Variants in AGO4 observed in about 807,000 individuals in gnomAD.
AGO4 encodes the protein argonaute RISC component 4, also known as protein argonaute-4.
In AGO4, 33 loss-of-function variants were observed where a neutral mutation model predicts 104.7. The observed-to-expected ratio is 0.32, with a 90% confidence interval of 0.24 to 0.42. The LOEUF (loss-of-function observed/expected upper bound fraction) is 0.42. AGO4 is among the 10% of genes least tolerant of loss of function. The pLI, the probability that AGO4 is intolerant of heterozygous loss-of-function variation, is 1.00. For missense variants in AGO4, 711 were observed against 1,083.4 expected (o/e 0.66, Z 4.83); for synonymous variants, 331 against 364.7 (o/e 0.91, Z 1.05).
chr1:35,845,929 A>T (rs1460116010), intron 15 of AGO4, among the ~76,000 whole-genome samples: 1 of 152,218 alleles, frequency 6.6e-6, no homozygotes, highest in Non-Finnish European at 1.5e-5. Flanking sequence ...GAACACTGCC[A>T]GTCATCCTGG....
intron 12 of AGO4, among the ~76,000 whole-genome samples, chr1:35,835,509 T>C (rs1200677627): frequency 6.6e-6 from 1 of 152,140 alleles, no homozygotes; most frequent in Non-Finnish European, 1.5e-5. Context: ...CTGGGAAGAT[T>C]GATTCTTTTG....
rs1468582008 is a variant in AGO4, at chr1:35,808,746, AGTTT to A, written c.19+313_19+316del. Among the ~76,000 whole-genome samples, 1 of 152,070 alleles carries A rather than the reference AGTTT, an allele frequency of 6.6e-6. No homozygotes were observed. The highest frequency in any genetic ancestry group is 1.9e-4 in the East Asian group (1 of 5,166). On this transcript the variant is annotated intron_variant, in intron 1 of 17. Coordinates refer to ENST00000373210, the MANE Select transcript of AGO4 (RefSeq NM_017629.4). The surrounding 1 kb of genome is among the most constrained non-coding windows in gnomAD (Gnocchi z 5.2). Reference sequence around the variant, plus strand: ...ATGTGCCCGGGGTCGCGACGAGGGTAGTTTGGGCCTCAGAAGGGGGCGATCCGCT... The same window carrying A: ...ATGTGCCCGGGGTCGCGACGAGGGTAGGGCCTCAGAAGGGGGCGATCCGCT...
rs1037069490 is a variant in AGO4 at position 35,856,506 on chromosome 1, A to C, written c.*2901A>C. 2.0e-5 allele frequency: 3 copies of C among 152,154 alleles called. No individual in the cohort carries two copies. The highest frequency in any genetic ancestry group is 4.4e-5 in the Non-Finnish European group (3 of 68,054). 9.4% of individuals were successfully genotyped at this position (152,154 alleles called of 1,614,324 possible). ...GTGGTGTGAAAGATTTAAATGTAGC[A>C]ACGCTAAAGAGTAATAATTTGGGGA... On this transcript the variant is annotated 3_prime_UTR_variant, in exon 18 of 18. Transcript: ENST00000373210.
chr1:35,842,855 G>A (rs762734142), intron 15 of AGO4, among the ~76,000 whole-genome samples: 6 of 152,080 alleles, frequency 3.9e-5, no homozygotes, highest in Non-Finnish European at 8.8e-5. Flanking sequence ...GGCATTTCAG[G>A]TAGAGAATGC....
At chr1:35,832,207 G>A in intron 10 of AGO4, 22 bp downstream of exon 10, 1 of 1,607,782 alleles carries the variant, frequency 6.2e-7, no homozygotes, top group Non-Finnish European at 8.5e-7. Flanking sequence ...ATTTTATTCA[G>A]CAAGCTTCTT....
intron 16 of AGO4, 23 bp downstream of exon 16, chr1:35,850,281 T>C: frequency 1.3e-6 from 2 of 1,576,920 alleles, no homozygotes; most frequent in Non-Finnish European, 1.7e-6. Context: ...CTGGTTCAGA[T>C]CTTTGACTTG....
At position 35,856,792 on chromosome 1, in the gene AGO4, C is replaced by T. The variant is rs1644825465; in HGVS notation, c.*3187C>T. On this transcript the variant is annotated 3_prime_UTR_variant, in exon 18 of 18. Transcript: ENST00000373210. ...CGGTGCAGTGAGCTATTACTCCAGC[C>T]TGGGCAACAAGAGCGAAACTCTGTC... The T allele has an allele frequency of 7.4e-6, 1 of 135,522 alleles. No homozygotes were observed. The highest frequency in any genetic ancestry group is 2.4e-4 in the South Asian group (1 of 4,212). 8.4% of individuals were successfully genotyped at this position (135,522 alleles called of 1,614,324 possible).
At chr1:35,846,522 G>A (rs1644577344) in intron 15 of AGO4, among the ~76,000 whole-genome samples, 1 of 151,690 alleles carries the variant, frequency 6.6e-6, no homozygotes, top group African/African-American at 2.4e-5. Context: ...GCGTGAATCC[G>A]GGAGGTGGAG....
intron 15 of AGO4, among the ~76,000 whole-genome samples, chr1:35,842,920 T>G (rs137947973): frequency 1.6e-4 from 24 of 152,330 alleles, no homozygotes; most frequent in Admixed American, 3.3e-4. Context: ...TTAATGACTT[T>G]ACTTCATCTT....
chr1:35,826,905 A>G (rs1644034933), intron 7 of AGO4, 70 bp downstream of exon 7: 3 of 1,529,642 alleles, frequency 2.0e-6, no homozygotes, highest in Non-Finnish European at 1.8e-6. Flanking sequence ...TAATTGTTTT[A>G]AGAAATTGGT....
chr1:35,823,459 T>C (rs1362989874), intron 3 of AGO4, among the ~76,000 whole-genome samples: 1 of 151,966 alleles, frequency 6.6e-6, no homozygotes, highest in Non-Finnish European at 1.5e-5. Context: ...GGAGCCTTGC[T>C]CTGTTGCCCA....
intron 15 of AGO4, among the ~76,000 whole-genome samples, chr1:35,844,656 C>A (rs1644525607): frequency 1.3e-5 from 2 of 152,142 alleles, no homozygotes; most frequent in Non-Finnish European, 2.9e-5. Context: ...GCTTTCCTGC[C>A]CCCATCCTGT....
intron 13 of AGO4, among the ~76,000 whole-genome samples, chr1:35,840,190 C>T (rs897591396): frequency 8.6e-5 from 13 of 151,620 alleles, no homozygotes; most frequent in African/African-American, 2.7e-4. Flanking sequence ...GACGGTCTTG[C>T]TCTGTCACCC....
chr1:35,817,411 G>A (rs1029972679), intron 2 of AGO4, among the ~76,000 whole-genome samples: 2 of 149,178 alleles, frequency 1.3e-5, no homozygotes, highest in African/African-American at 2.5e-5. Flanking sequence ...TGAGAAAGAT[G>A]TATATATATA....
rs1287520022 is a variant in AGO4 at position 35,834,078 on chromosome 1, GCAGA to G, written c.1472_1475del (p.Asp491ValfsTer9). On this transcript the variant is annotated frameshift_variant, in exon 12 of 18. Transcript: ENST00000373210. LOFTEE classifies it high-confidence loss of function. ...ATGTTTCTGCAAGTATGCACAAGGT[GCAGA>G]CAGTGTGGAGCCTATGTTTAAACAT... is the stretch of plus-strand genomic sequence containing the variant. The G allele has an allele frequency of 6.2e-7, 1 of 1,612,552 alleles. No homozygotes were observed. Among genetic ancestry groups the G allele is most frequent in the Non-Finnish European group, 8.5e-7 (1 of 1,179,342 alleles).
intron 13 of AGO4, among the ~76,000 whole-genome samples, chr1:35,840,153 G>C (rs931287052): frequency 6.7e-6 from 1 of 148,354 alleles, no homozygotes; most frequent in Non-Finnish European, 1.5e-5. Context: ...CTCCATGCCC[G>C]TCTAATTTTT....
intron 17 of AGO4, among the ~76,000 whole-genome samples, chr1:35,852,439 A>C (rs1403163571): frequency 6.6e-6 from 1 of 152,206 alleles, no homozygotes; most frequent in Non-Finnish European, 1.5e-5. Flanking sequence ...ACTCCGAAAG[A>C]CCAAAGTTCA....
At chr1:35,852,133 G>A (rs1237514811) in intron 17 of AGO4, among the ~76,000 whole-genome samples, 1 of 152,198 alleles carries the variant, frequency 6.6e-6, no homozygotes, top group Non-Finnish European at 1.5e-5. Context: ...TCTTTGGCTG[G>A]AGGATATTAA....
intron 2 of AGO4, among the ~76,000 whole-genome samples, chr1:35,818,706 G>GGAAGGAAGGAAGGAAAC (rs1643810763): frequency 1.7e-4 from 26 of 151,612 alleles, no homozygotes; most frequent in African/African-American, 6.1e-4. Flanking sequence ...AGGAAGGAAA[G>GGAAGGAAGGAAGGAAAC]AAACAAACAG....
Sources: allele counts gnomAD v4.1 joint callset (sites outside exome capture counted in the v4.1 genomes callset), GRCh38; gene constraint gnomAD v4.1.1; non-coding constraint Gnocchi (gnomAD v3.1); transcripts MANE v1.5; gene names NCBI Gene and HGNC (gene_info 2026-07-23, HGNC 2026-07-21).